GRHL2: variants seen among roughly 807,000 people sequenced by gnomAD.
GRHL2 encodes the protein grainyhead-like protein 2 homolog.
A neutral mutation model predicts 83.8 loss-of-function variants in GRHL2; 21 were observed. The ratio of observed to expected loss-of-function variants is 0.25; its 90% CI spans 0.18 to 0.36. The LOEUF (loss-of-function observed/expected upper bound fraction) is 0.36, where lower values mean the gene tolerates loss of function less well. Ranked by LOEUF, GRHL2 falls within the 10% of genes least tolerant of loss-of-function variation. The pLI is 1.00. For synonymous variants in GRHL2, 280 were observed against 278.9 expected, an observed-to-expected ratio of 1.00 and a Z score of -0.04; for missense variants, 623 against 781.8, an observed-to-expected ratio of 0.80 and a Z score of 2.42.
the GRHL2 span, among the ~76,000 whole-genome samples, chr8:101,679,654 A>C: frequency 9.2e-5 from 14 of 151,578 alleles, no homozygotes; most frequent in Admixed American, 7.9e-4. Context: ...TGAAGGAAAA[A>C]ATGTTAAGGA....
At chr8:101,533,556 T>C (rs1229423201) in intron 1 of GRHL2, among the ~76,000 whole-genome samples, 1 of 152,120 alleles carries the variant, frequency 6.6e-6, no homozygotes, top group East Asian at 1.9e-4. Context: ...ACATTGACCA[T>C]AATAAAAAAG....
chr8:101,547,257 G>A (rs191402348), intron 2 of GRHL2, among the ~76,000 whole-genome samples: 9 of 152,112 alleles, frequency 5.9e-5, no homozygotes, highest in Admixed American at 2.6e-4. Flanking sequence ...GTTTAAATGC[G>A]TGTAAACTCT....
At chr8:101,595,873 C>T (rs557852079) in intron 7 of GRHL2, among the ~76,000 whole-genome samples, 77 of 152,194 alleles carry the variant, frequency 5.1e-4, no homozygotes, top group Non-Finnish European at 1.0e-3. Flanking sequence ...GTAATCTCAG[C>T]ACTTTGGGAG....
At chr8:101,549,686 T>A (rs1811339332) in intron 2 of GRHL2, among the ~76,000 whole-genome samples, 1 of 152,184 alleles carries the variant, frequency 6.6e-6, no homozygotes, top group East Asian at 1.9e-4. Context: ...CCTTTGCTCA[T>A]CTCTGAGGCC....
intron 2 of GRHL2, among the ~76,000 whole-genome samples, chr8:101,546,909 A>G (rs145339755): frequency 0.016 from 2,477 of 152,362 alleles, 26 homozygotes; most frequent in Non-Finnish European, 0.028. Flanking sequence ...GGGAGTTTAC[A>G]TAAAACTCAA....
chr8:101,496,198 A>T (rs2129953033), intron 1 of GRHL2, among the ~76,000 whole-genome samples: 1 of 151,570 alleles, frequency 6.6e-6, no homozygotes, highest in African/African-American at 2.4e-5. Context: ...CTCCCTACTC[A>T]TCGCATTTTT....
At chr8:101,603,630 G>A (rs1193032402) in intron 8 of GRHL2, among the ~76,000 whole-genome samples, 2 of 152,198 alleles carry the variant, frequency 1.3e-5, no homozygotes, top group Non-Finnish European at 2.9e-5. Flanking sequence ...TCCATTGCAG[G>A]CGGATTCTGG....
chr8:101,594,656 C>A (rs527835829), intron 7 of GRHL2, among the ~76,000 whole-genome samples: 21 of 152,304 alleles, frequency 1.4e-4, no homozygotes, highest in African/African-American at 5.1e-4. Flanking sequence ...AGACTGAACA[C>A]AAAGGGTAGA....
At chr8:101,607,763 A>G in intron 8 of GRHL2, among the ~76,000 whole-genome samples, 1 of 152,190 alleles carries the variant, frequency 6.6e-6, no homozygotes, top group East Asian at 1.9e-4. Flanking sequence ...TAAAGGAGAA[A>G]AGTAAACATT....
chr8:101,616,807 T>G (rs539307474), intron 8 of GRHL2, among the ~76,000 whole-genome samples: 1 of 152,206 alleles, frequency 6.6e-6, no homozygotes, highest in Non-Finnish European at 1.5e-5. Flanking sequence ...CTATATCTAA[T>G]GTTGTGTTTG....
chr8:101,616,188 T>C (rs1279937443), intron 8 of GRHL2, among the ~76,000 whole-genome samples: 1 of 151,426 alleles, frequency 6.6e-6, no homozygotes, highest in Non-Finnish European at 1.5e-5. Flanking sequence ...CTCTTTCTTT[T>C]TGACAGAGTT....
intron 7 of GRHL2, among the ~76,000 whole-genome samples, chr8:101,592,699 A>G (rs1287199213): frequency 1.3e-5 from 2 of 152,066 alleles, no homozygotes; most frequent in African/African-American, 4.8e-5. Flanking sequence ...CCGTTATAGA[A>G]TCCCTCAAGC....
At chr8:101,522,778 A>T (rs1311435976) in intron 1 of GRHL2, among the ~76,000 whole-genome samples, 1 of 130,618 alleles carries the variant, frequency 7.7e-6, no homozygotes, top group Non-Finnish European at 1.7e-5. Flanking sequence ...TATATATATA[A>T]ACATCTATAT....
chr8:101,541,409 T>C (rs1190660637), intron 1 of GRHL2, among the ~76,000 whole-genome samples: 1 of 151,982 alleles, frequency 6.6e-6, no homozygotes, highest in South Asian at 2.1e-4. Flanking sequence ...CTGTTTTCCA[T>C]AGAGATTGTA....
intron 10 of GRHL2, 86 bp from the exon 11 acceptor site, chr8:101,632,140 G>A (rs868096137): frequency 2.1e-6 from 3 of 1,444,792 alleles, no homozygotes; most frequent in East Asian, 4.5e-5. Context: ...CTTCATATGA[G>A]AAAATCGTGG....
At chr8:101,630,008 A>G (rs901477278) in intron 9 of GRHL2, among the ~76,000 whole-genome samples, 1 of 152,156 alleles carries the variant, frequency 6.6e-6, no homozygotes, top group Non-Finnish European at 1.5e-5. Context: ...CCCTTTGGTA[A>G]TAAGTAAGAT....
At chr8:101,496,505 T>C (rs1245873637) in intron 1 of GRHL2, among the ~76,000 whole-genome samples, 4 of 152,168 alleles carry the variant, frequency 2.6e-5, no homozygotes, top group Non-Finnish European at 5.9e-5. Context: ...CACTATATAC[T>C]TGGCATTGAG....
At position 101,552,798 on chromosome 8, in the gene GRHL2, T is replaced by A. The variant is rs1346369376; in HGVS notation, c.284+16T>A. ...AGGAGAAAAGGTAAAGGAATTTGCCTGGCCCCCAGAATAACTCTATGTTTT... is the reference window on the plus strand; with the variant it reads ...AGGAGAAAAGGTAAAGGAATTTGCCAGGCCCCCAGAATAACTCTATGTTTT... On this transcript the variant is annotated intron_variant, in intron 3 of 15. Transcript: ENST00000646743. 6.2e-7 allele frequency: 1 copy of A among 1,611,732 alleles called. No homozygotes were observed. Among genetic ancestry groups the A allele is most frequent in the Non-Finnish European group, 8.5e-7 (1 of 1,178,442 alleles).
chr8:101,587,509 A>G (rs1242974753), intron 7 of GRHL2, among the ~76,000 whole-genome samples: 10 of 152,202 alleles, frequency 6.6e-5, no homozygotes, highest in Non-Finnish European at 1.0e-4. Flanking sequence ...ATTTTTTTAA[A>G]TACACATTTA....
Sources: gnomAD v4.1 joint callset for allele counts (sites outside exome capture counted in the v4.1 genomes callset) on GRCh38, gnomAD v4.1.1 for gene constraint, MANE v1.5 for transcripts, NCBI Gene and HGNC (gene_info 2026-07-23, HGNC 2026-07-21) for gene names.